SLC12A9: variants seen among roughly 807,000 people sequenced by gnomAD.
The protein encoded by SLC12A9 is solute carrier family 12 member 9, also known as CCC-interacting protein 1.
SLC12A9 carries 55 observed loss-of-function variants against 66.0 expected under a neutral mutation model. That is an observed-to-expected ratio of 0.83 (90% CI 0.67 to 1.04). The LOEUF (loss-of-function observed/expected upper bound fraction) is 1.04. SLC12A9 is among the 50% of genes least tolerant of loss of function. The probability of loss-of-function intolerance (pLI) is 0.00; values close to 1 mark genes in which losing one functional copy is unlikely to be tolerated. For missense variants in SLC12A9, 1,061 were observed against 1,241.9 expected (o/e 0.85, Z 2.19); for synonymous variants, 577 against 569.0 (o/e 1.01, Z -0.20).
chr7:100,864,269 C>T (rs574308606), intron 13 of SLC12A9, among the ~76,000 whole-genome samples: 8 of 151,888 alleles, frequency 5.3e-5, no homozygotes, highest in South Asian at 2.1e-4. Flanking sequence ...TTGGTAGAGA[C>T]GGGGTTTCAC....
At chr7:100,839,859 G>C (rs1005996579) in intron 1 of SLC12A9, among the ~76,000 whole-genome samples, 1 of 151,978 alleles carries the variant, frequency 6.6e-6, no homozygotes, top group African/African-American at 2.4e-5. Flanking sequence ...TGGCTAACAC[G>C]GTGAAACCCC....
chr7:100,845,334 C>T (rs1305828893), intron 1 of SLC12A9, among the ~76,000 whole-genome samples: 2 of 150,210 alleles, frequency 1.3e-5, no homozygotes, highest in African/African-American at 4.9e-5. Context: ...GTGTTATTGG[C>T]GCTATTTTAT....
chr7:100,865,719 G>C lies in SLC12A9; in HGVS notation c.1859G>C (p.Gly620Ala), dbSNP rs1815037913. 1 of 1,604,556 alleles carries C rather than the reference G, an allele frequency of 6.2e-7. No individual in the cohort carries two copies. Residue 620 changes from glycine (G) to alanine (A), a missense_variant and splice_region_variant, in exon 14 of 14, where the codon GGT becomes GCT. Transcript: ENST00000354161. The stretch of plus-strand genomic sequence containing the variant: ...CCTGCCTTCCCCGCTCTGCCCCCAG[G>C]TGGCATGAAGCCCAACACGTTGGTC... ...AQHLLRISGL[G>A]GMKPNTLVLG... is the part of the protein sequence containing the mutation.
At position 100,860,001 on chromosome 7, in the gene SLC12A9, C is replaced by A. The variant is rs149149897; in HGVS notation, c.1094C>A (p.Ala365Asp). 6.2e-7 allele frequency: 1 copy of A among 1,613,336 alleles called. No individual in the cohort carries two copies. The highest frequency in any genetic ancestry group is 8.5e-7 in the Non-Finnish European group (1 of 1,179,396). Residue 365 changes from alanine to aspartate, a missense_variant, in exon 8 of 14, where the codon GCC becomes GAC. Ala to Asp is a moderately radical substitution (Grantham distance 126). Transcript: ENST00000354161. Reference sequence around the variant, plus strand: ...GCGTCCATGAGCTCGCTCATTGGTGCCTCCCGCATCCTCCATGCCCTGGCC... The same window carrying A: ...GCGTCCATGAGCTCGCTCATTGGTGACTCCCGCATCCTCCATGCCCTGGCC... ...LSASMSSLIGASRILHALARD... is the reference protein window; with the variant it reads ...LSASMSSLIGDSRILHALARD...
At chr7:100,860,984 A>G in intron 9 of SLC12A9, 154 bp from the exon 10 acceptor site, 1 of 1,372,626 alleles carries the variant, frequency 7.3e-7, no homozygotes, top group Non-Finnish European at 1.0e-6. Context: ...GTTCATTGAC[A>G]CTTTGGGGGT....
intron 1 of SLC12A9, among the ~76,000 whole-genome samples, chr7:100,835,893 A>C (rs1243156739): frequency 1.3e-5 from 2 of 152,160 alleles, no homozygotes; most frequent in African/African-American, 4.8e-5. Context: ...GGGATGCCAA[A>C]GGGCATGGAG....
chr7:100,835,914 G>C (rs76020287), intron 1 of SLC12A9, among the ~76,000 whole-genome samples: 241 of 152,348 alleles, frequency 1.6e-3, no homozygotes, highest in African/African-American at 5.7e-3. Flanking sequence ...GTGGAGGAGA[G>C]AGAGGCTAAG....
intron 3 of SLC12A9, among the ~76,000 whole-genome samples, chr7:100,855,096 G>A (rs55991544): frequency 6.6e-6 from 1 of 152,172 alleles, no homozygotes; most frequent in Admixed American, 6.5e-5. Context: ...CCTGGGAGGT[G>A]GAGGTTGCAG....
intron 1 of SLC12A9, among the ~76,000 whole-genome samples, chr7:100,833,341 C>T (rs540295388): frequency 3.2e-4 from 49 of 151,828 alleles, no homozygotes; most frequent in African/African-American, 1.1e-3. Context: ...CAGTGGCACA[C>T]GCCTGTAATC....
At chr7:100,826,937 C>A in exon 1 of SLC12A9, 1 of 1,537,470 alleles carries the variant, frequency 6.5e-7, no homozygotes. Flanking sequence ...GGGGGAGGTC[C>A]CAGGAGTGAC....
intron 1 of SLC12A9, among the ~76,000 whole-genome samples, chr7:100,830,202 C>G (rs1352805278): frequency 2.6e-5 from 4 of 151,482 alleles, no homozygotes; most frequent in Admixed American, 2.6e-4. Flanking sequence ...AAATACAAAA[C>G]TTAGCCAGGT....
At chr7:100,863,793 C>T (rs1029902355) in intron 13 of SLC12A9, among the ~76,000 whole-genome samples, 1 of 152,238 alleles carries the variant, frequency 6.6e-6, no homozygotes, top group African/African-American at 2.4e-5. Flanking sequence ...GCTTCCTTCT[C>T]TATTCAGAGT....
At position 100,866,585 on chromosome 7, in the gene SLC12A9, G is replaced by C. The variant is rs1193127791; in HGVS notation, c.2725G>C (p.Val909Leu). 6.3e-7 allele frequency: 1 copy of C among 1,585,396 alleles called. No individual in the cohort carries two copies. The highest frequency in any genetic ancestry group is 8.6e-7 in the Non-Finnish European group (1 of 1,167,122). Residue 909 changes from valine (V) to leucine (L), a missense_variant, in exon 14 of 14, where the codon GTC becomes CTC. Val to Leu is a conservative substitution (Grantham distance 32). Transcript: ENST00000354161. The surrounding 1 kb of genome is among the most constrained non-coding windows in gnomAD (Gnocchi z 7.3). ...PTLLVHGVTP[V>L]TCTDL is the part of the protein sequence containing the mutation. ...GCTGCTGGTTCATGGGGTCACTCCAGTCACCTGCACTGATCTGTGATGCCC... is the reference window on the plus strand; with the variant it reads ...GCTGCTGGTTCATGGGGTCACTCCACTCACCTGCACTGATCTGTGATGCCC...
intron 1 of SLC12A9, among the ~76,000 whole-genome samples, chr7:100,844,399 G>T (rs1331686428): frequency 1.3e-5 from 2 of 152,108 alleles, no homozygotes; most frequent in African/African-American, 4.8e-5. Context: ...TATGAGTAAA[G>T]TGTTAACCAA....
intron 12 of SLC12A9, among the ~76,000 whole-genome samples, chr7:100,862,350 T>C (rs1490002522): frequency 6.6e-6 from 1 of 151,852 alleles, no homozygotes; most frequent in Non-Finnish European, 1.5e-5. Context: ...CCTCAACCTC[T>C]TGGGCTCAAG....
intron 1 of SLC12A9, among the ~76,000 whole-genome samples, chr7:100,840,990 A>G (rs1474137225): frequency 6.6e-6 from 1 of 150,774 alleles, no homozygotes; most frequent in African/African-American, 2.5e-5. Context: ...CTTTGCTAAC[A>G]ACAAAAAAAA....
intron 1 of SLC12A9, chr7:100,827,104 G>C: frequency 6.7e-7 from 1 of 1,501,322 alleles, no homozygotes; most frequent in South Asian, 1.2e-5. Flanking sequence ...ACTCTCCCTG[G>C]GCGGGTGGAC....
At chr7:100,860,979 T>A in intron 9 of SLC12A9, 159 bp from the exon 10 acceptor site, 1 of 1,307,986 alleles carries the variant, frequency 7.6e-7, no homozygotes, top group Non-Finnish European at 1.1e-6. Flanking sequence ...TGGGGGTTCA[T>A]TGACACTTTG....
In SLC12A9 at chr7:100,866,290, G is replaced by T. The variant is rs1259619317; in HGVS notation, c.2430G>T (p.Gly810=). Residue 810 remains glycine, a synonymous_variant, in exon 14 of 14, where the codon GGG becomes GGT. Coordinates refer to ENST00000354161, the MANE Select transcript of SLC12A9 (RefSeq NM_020246.4). This position sits in a 1 kb window ranked among gnomAD's most constrained non-coding sequence, Gnocchi z 7.3. ...TGTGGGGCGAGGGGGCCGGGGCTGG[G>T]GAACCCGAGGCGGAGGAGGAAGGGG... ...EVVWGEGAGA[G]EPEAEEEGDF... is the part of the protein sequence containing the mutation. 6.5e-7 allele frequency: 1 copy of T among 1,527,868 alleles called. No homozygotes were observed. Among genetic ancestry groups the T allele is most frequent in the Non-Finnish European group, 8.8e-7 (1 of 1,135,980 alleles). The allele number at this position is 1,527,868 out of a possible 1,614,324, so 94.6% of individuals were successfully genotyped here.
Sources: gnomAD v4.1 joint callset for allele counts (sites outside exome capture counted in the v4.1 genomes callset) on GRCh38, gnomAD v4.1.1 for gene constraint, Gnocchi (gnomAD v3.1) non-coding constraint, MANE v1.5 for transcripts, NCBI Gene and HGNC (gene_info 2026-07-23, HGNC 2026-07-21) for gene names.